AQP1: variants seen among roughly 807,000 people sequenced by gnomAD.
AQP1 encodes the protein aquaporin-1.
Under a neutral mutation model 19.7 loss-of-function variants are expected in AQP1, and 11 were observed. The ratio of observed to expected loss-of-function variants is 0.56; its 90% CI spans 0.35 to 0.92. The LOEUF (loss-of-function observed/expected upper bound fraction) is 0.92, where lower values mean the gene tolerates loss of function less well. AQP1 is among the 40% of genes least tolerant of loss of function. The pLI is 0.01. For synonymous variants in AQP1, 159 were observed against 166.7 expected (o/e 0.95, Z 0.36); for missense variants, 320 against 369.7 (o/e 0.87, Z 1.10).
rs1791611012 is a variant in AQP1 at position 30,924,044 on chromosome 7, T to A, written c.*415T>A. The A allele has an allele frequency of 7.8e-7, 1 of 1,281,732 alleles. No homozygotes were observed. The highest frequency in any genetic ancestry group is 1.3e-5 in the South Asian group (1 of 76,196). 79.4% of individuals were successfully genotyped at this position (1,281,732 alleles called of 1,614,324 possible). The stretch of plus-strand genomic sequence containing the variant: ...GCCTTTGGGCACGGCCCTCCTTCTT[T>A]TCCTAACATGCACCTTGCTCCCAAT... On this transcript the variant is annotated 3_prime_UTR_variant, in exon 4 of 4. Transcript: ENST00000311813.
Position 30,923,666 on chromosome 7 carries a change from G to A in AQP1, c.*37G>A. ...CCCGGGCATCCACGTAGGGGGCAGG[G>A]GCAGGGGCGGGCGGAGGGAGGGGAG... On this transcript the variant is annotated 3_prime_UTR_variant, in exon 4 of 4. Transcript: ENST00000311813. The surrounding 1 kb of genome is among the most constrained non-coding windows in gnomAD (Gnocchi z 4.8). 5 of 1,569,664 alleles carry A rather than the reference G, an allele frequency of 3.2e-6. No homozygotes were observed. The highest frequency in any genetic ancestry group is 4.3e-6 in the Non-Finnish European group (5 of 1,158,732).
rs925301760 is a variant in AQP1, at chr7:30,912,393, G to A, written c.384+100G>A. On this transcript the variant is annotated intron_variant, in intron 1 of 3. Transcript: ENST00000311813. This position sits in a 1 kb window ranked among gnomAD's most constrained non-coding sequence, Gnocchi z 4.3. ...TGTGCAGATGGGGACACTGAGGAAC[G>A]GAGAGGACAAGAGGTTGCTGGAGGT... is the stretch of plus-strand genomic sequence containing the variant. 2.6e-6 allele frequency: 4 copies of A among 1,520,246 alleles called. No individual in the cohort carries two copies. The highest frequency in any genetic ancestry group is 3.5e-6 in the Non-Finnish European group (4 of 1,128,948). The allele number at this position is 1,520,246 out of a possible 1,614,324, so 94.2% of individuals were successfully genotyped here. A position where few individuals can be genotyped will look rare whatever the true frequency, so the allele number is the denominator to read the frequency against.
At chr7:30,915,361 G>A (rs879479758) in intron 1 of AQP1, among the ~76,000 whole-genome samples, 1 of 144,092 alleles carries the variant, frequency 6.9e-6, no homozygotes, top group Non-Finnish European at 1.5e-5. Flanking sequence ...TGTCAGGGCG[G>A]GCCCGGGAAC....
rs370973510 is a variant in AQP1, at chr7:30,914,042, G to A, written c.384+1749G>A. On this transcript the variant is annotated intron_variant, in intron 1 of 3. Transcript: ENST00000311813. ...CTCACAGGGCGGAGCCTCTGCACCT[G>A]CTGGCGAAGGCTTCACCCTCTAGTA... Among the ~76,000 whole-genome samples, 21 of 152,306 alleles carry A rather than the reference G, an allele frequency of 1.4e-4. No homozygotes were observed. In the East Asian group the frequency reaches 3.9e-3, roughly 28 times the overall value.
At chr7:30,922,523 C>T (rs1254140667) in intron 2 of AQP1, 41 bp from the exon 3 acceptor site, 24 of 1,567,444 alleles carry the variant, frequency 1.5e-5, no homozygotes, top group Non-Finnish European at 2.0e-5. Context: ...TCACCTATGA[C>T]TCTCTGCCTT....
At chr7:30,921,988 C>A in intron 1 of AQP1, 78 bp from the exon 2 acceptor site, 1 of 1,600,928 alleles carries the variant, frequency 6.2e-7, no homozygotes, top group South Asian at 1.1e-5. Flanking sequence ...GCCTGGGAGG[C>A]CTGGGTATCC....
At chr7:30,919,090 G>T (rs1278052180) in intron 1 of AQP1, among the ~76,000 whole-genome samples, 1 of 152,202 alleles carries the variant, frequency 6.6e-6, no homozygotes, top group Admixed American at 6.5e-5. Context: ...GAGCCAGGCT[G>T]CCCCTAGCAA....
chr7:30,915,046 A>G (rs889493623), intron 1 of AQP1, among the ~76,000 whole-genome samples: 19 of 152,364 alleles, frequency 1.2e-4, no homozygotes, highest in African/African-American at 3.8e-4. Context: ...GCATCACACA[A>G]CAGACTGGCC....
rs528350403 is a variant in AQP1 at position 30,915,751 on chromosome 7, C to T, written c.384+3458C>T. On this transcript the variant is annotated intron_variant, in intron 1 of 3. Transcript: ENST00000311813. ...TCTACCTGCAGCATCAGGGGCCTGA[C>T]TGAAGCCCTAAGTTCTCCCCTTTAT... 3.3e-5 allele frequency among the ~76,000 whole-genome samples: 5 copies of T among 152,328 alleles called. No individual in the cohort carries two copies. The South Asian group carries it at 6.2e-4, about 19-fold the overall frequency.
intron 1 of AQP1, among the ~76,000 whole-genome samples, chr7:30,918,324 T>C (rs1386411611): frequency 6.6e-6 from 1 of 152,188 alleles, no homozygotes; most frequent in Non-Finnish European, 1.5e-5. Flanking sequence ...ATGTAATTAT[T>C]GTGTAATAAA....
intron 1 of AQP1, among the ~76,000 whole-genome samples, chr7:30,919,679 C>G (rs1485681534): frequency 1.3e-5 from 2 of 151,526 alleles, no homozygotes; most frequent in African/African-American, 2.4e-5. Flanking sequence ...CTTGTTTAAG[C>G]AAGTTTTCAA....
chr7:30,916,680 C>G (rs756819066), intron 1 of AQP1, among the ~76,000 whole-genome samples: 1 of 152,170 alleles, frequency 6.6e-6, no homozygotes, highest in African/African-American at 2.4e-5. Flanking sequence ...CCGGAAAGGC[C>G]GGAAAATGCC....
At chr7:30,918,438 A>G (rs968358181) in intron 1 of AQP1, among the ~76,000 whole-genome samples, 1 of 152,246 alleles carries the variant, frequency 6.6e-6, no homozygotes, top group African/African-American at 2.4e-5. Context: ...ACAGAGGCAC[A>G]CAAAACCAGG....
chr7:30,917,460 G>T (rs1791387623), intron 1 of AQP1, among the ~76,000 whole-genome samples: 1 of 152,170 alleles, frequency 6.6e-6, no homozygotes, highest in African/African-American at 2.4e-5. Context: ...AGCAAATAAA[G>T]GCCTTGTTGA....
chr7:30,921,638 TCCC>T, intron 1 of AQP1: 1 of 1,550,754 alleles, frequency 6.4e-7, no homozygotes, highest in Admixed American at 2.0e-5. Flanking sequence ...TGAAGCCGTG[TCCC>T]CTGCTGGGCC....
chr7:30,915,746 C>T (rs1791330016), intron 1 of AQP1, among the ~76,000 whole-genome samples: 2 of 152,176 alleles, frequency 1.3e-5, no homozygotes, highest in African/African-American at 2.4e-5. Flanking sequence ...GCATCAGGGG[C>T]CTGACTGAAG....
intron 1 of AQP1, among the ~76,000 whole-genome samples, chr7:30,918,282 G>A (rs1259054358): frequency 2.6e-5 from 4 of 152,186 alleles, no homozygotes; most frequent in South Asian, 2.1e-4. Context: ...GTGAGCCACC[G>A]CGCCTGGCCA....
In AQP1 at chr7:30,912,870, A is replaced by G. The variant is rs548508804; in HGVS notation, c.384+577A>G. On this transcript the variant is annotated intron_variant, in intron 1 of 3. Transcript: ENST00000311813. The surrounding 1 kb of genome is among the most constrained non-coding windows in gnomAD (Gnocchi z 4.3). ...AGATTAGACAAAGATAAGGGAGTGAAAACACTCTCTGGGGCTGTTTGAAGG... is the reference window on the plus strand; with the variant it reads ...AGATTAGACAAAGATAAGGGAGTGAGAACACTCTCTGGGGCTGTTTGAAGG... 4.6e-5 allele frequency among the ~76,000 whole-genome samples: 7 copies of G among 152,234 alleles called. No homozygotes were observed. Among genetic ancestry groups the G allele is most frequent in the African/African-American group, 1.4e-4 (6 of 41,540 alleles).
At chr7:30,921,689 C>T in intron 1 of AQP1, 1 of 1,551,094 alleles carries the variant, frequency 6.4e-7, no homozygotes, top group Non-Finnish European at 8.7e-7. Flanking sequence ...AGGAGTGCTC[C>T]TGACCATCAC....
Sources: gnomAD v4.1 joint callset for allele counts (sites outside exome capture counted in the v4.1 genomes callset) on GRCh38, gnomAD v4.1.1 for gene constraint, Gnocchi (gnomAD v3.1) non-coding constraint, MANE v1.5 for transcripts, NCBI Gene and HGNC (gene_info 2026-07-23, HGNC 2026-07-21) for gene names.